The following FAT2 variants were observed in gnomAD, a reference collection of about 807,000 sequenced individuals.
FAT2 encodes protocadherin Fat 2.
In FAT2, 150 loss-of-function variants were observed where a neutral mutation model predicts 295.3. The observed-to-expected ratio is 0.51, with a 90% CI of 0.44 to 0.58. The LOEUF (loss-of-function observed/expected upper bound fraction) is 0.58, where lower values mean the gene tolerates loss of function less well. FAT2 is among the 20% of genes least tolerant of loss of function. The probability of loss-of-function intolerance (pLI) is 0.00; values close to 1 mark genes in which losing one functional copy is unlikely to be tolerated. For synonymous variants in FAT2, 2,026 were observed against 2,150.3 expected, an observed-to-expected ratio of 0.94 and a Z score of 1.60; for missense variants, 4,868 against 5,442.7, an observed-to-expected ratio of 0.89 and a Z score of 3.32.
At chr5:151,507,075 T>C (rs193215777) in intron 23 of FAT2, 79 bp downstream of exon 23, 90 of 1,293,646 alleles carry the variant, frequency 7.0e-5, no homozygotes, top group Admixed American at 3.0e-4. Context: ...AAAATGCCTG[T>C]GCCTCAGATA....
Position 151,545,590 on chromosome 5 carries a change from C to A in FAT2, c.5537G>T (p.Gly1846Val). Residue 1846 changes from glycine to valine, a missense_variant, in exon 10 of 24, where the codon GGA becomes GTA. Transcript: ENST00000261800. ...TCTGGGTGCAAATAATACAGGGCTTCCTTGGTCATGGACATAGACACAGAA... is the reference window on the plus strand; with the variant it reads ...TCTGGGTGCAAATAATACAGGGCTTACTTGGTCATGGACATAGACACAGAA... ...FQFCVYVHDQ[G>V]SPVLFAPRPA... 1 of 1,614,056 alleles carries A rather than the reference C, an allele frequency of 6.2e-7. No individual in the cohort carries two copies. Among genetic ancestry groups the A allele is most frequent in the African/African-American group, 1.3e-5 (1 of 75,016 alleles).
rs150175247 is a variant in FAT2 at position 151,568,729 on chromosome 5, G to A, written c.203C>T (p.Ala68Val). 7.9e-5 allele frequency: 128 copies of A among 1,614,150 alleles called. No homozygotes were observed. In the African/African-American group the frequency reaches 1.6e-3, roughly 20 times the overall value. The change falls in exon 2 of 24, where the codon GCA (alanine) becomes GTA (valine). Residue 68 changes from alanine (A) to valine (V), a missense_variant. By Grantham distance (64) the Ala-to-Val change is moderately conservative. Transcript: ENST00000261800. ...MGIYLAEPQW[A>V]VRYRIISGDV... ...CCCAGAGATGATCCGGTACCTCACT[G>A]CCCACTGTGGCTCCGCGAGGTAGAT...
In FAT2 at chr5:151,563,486, G is replaced by A. The variant is rs550245390; in HGVS notation, c.3413C>T (p.Ser1138Phe). The part of the protein sequence containing the change: ...TDANDNPPQM[S>F]QAVFYPSIQE... ...GATGGAGGGGTAGAACACAGCTTGG[G>A]ACATCTGGGGTGGGTTGTCATTGGC... Residue 1138 changes from serine to phenylalanine, a missense_variant, in exon 3 of 24, where the codon TCC becomes TTC. Transcript: ENST00000261800. 6.2e-7 allele frequency: 1 copy of A among 1,614,210 alleles called. No homozygotes were observed. The highest frequency in any genetic ancestry group is 1.3e-5 in the African/African-American group (1 of 75,042).
upstream of FAT2, among the ~76,000 whole-genome samples, chr5:151,594,288 G>T (rs1759508721): frequency 2.0e-5 from 3 of 152,166 alleles, no homozygotes; most frequent in Non-Finnish European, 4.4e-5. Flanking sequence ...GGCCTGGCGT[G>T]TGCCTCTCTT....
chr5:151,505,608 A>C lies in FAT2; in HGVS notation c.13007T>G (p.Met4336Arg). The C allele has an allele frequency of 6.2e-7, 1 of 1,614,082 alleles. No individual in the cohort carries two copies. Residue 4336 changes from methionine (M) to arginine (R), a missense_variant, in exon 24 of 24, where the codon ATG becomes AGG. Transcript: ENST00000261800. ...RVPPNYEGSDMVESDYGSCEE... is the reference protein window; with the variant it reads ...RVPPNYEGSDRVESDYGSCEE... ...ACAGCTGCCATAATCACTCTCCACC[A>C]TGTCAGAGCCCTCATAGTTGGGGGG...
rs1756045581 is a variant in FAT2 at position 151,540,744 on chromosome 5, C to T, written c.8862G>A (p.Gln2954=). Residue 2954 remains glutamine (Q), a synonymous_variant, in exon 11 of 24, where the codon CAG becomes CAA. Coordinates refer to ENST00000261800, the MANE Select transcript of FAT2 (RefSeq NM_001447.3). ...CATCTCCAACTTGGCTGATGCCAAA[C>T]TGGCCCAGGGGGTCTCCCTCTAAAC... ...CYITEGDPLG[Q]FGISQVGDEW... 6.2e-7 allele frequency: 1 copy of T among 1,614,010 alleles called. No homozygotes were observed. Among genetic ancestry groups the T allele is most frequent in the Non-Finnish European group, 8.5e-7 (1 of 1,179,952 alleles).
intron 1 of FAT2, among the ~76,000 whole-genome samples, chr5:151,590,165 A>G (rs972757542): frequency 2.6e-5 from 4 of 152,216 alleles, no homozygotes; most frequent in Non-Finnish European, 5.9e-5. Flanking sequence ...AATAACTCTT[A>G]GTAGCAAGGC....
At chr5:151,554,311 C>T (rs1419113693) in intron 5 of FAT2, 51 bp downstream of exon 5, 3 of 1,538,916 alleles carry the variant, frequency 1.9e-6, no homozygotes, top group Non-Finnish European at 2.7e-6. Context: ...CAAAGAAGGC[C>T]ACTAACCAGC....
chr5:151,542,213 A>C, intron 10 of FAT2, 72 bp downstream of exon 10: 1 of 1,465,546 alleles, frequency 6.8e-7, no homozygotes, highest in Non-Finnish European at 9.2e-7. Flanking sequence ...ACATGAACCC[A>C]TTTTAGGGCA....
chr5:151,512,171 C>T lies in FAT2; in HGVS notation c.11899G>A (p.Gly3967Arg), dbSNP rs759591753. Reference sequence around the variant, plus strand: ...CTGGCACCCCAGCCCTCACCTGCCCCATGGGTCCATGAGCACTTCCCACCA... The same window carrying T: ...CTGGCACCCCAGCCCTCACCTGCCCTATGGGTCCATGAGCACTTCCCACCA... ...LNGGKCSWTH[G>R]AGYVCKCPPQ... The change falls in exon 21 of 24, where the codon GGG becomes AGG. Residue 3967 changes from glycine to arginine, a missense_variant. This residue lies in a region of FAT2 where 24 missense variants were observed against 53.3 expected (regional missense o/e 0.45). Coordinates refer to ENST00000261800, the MANE Select transcript of FAT2 (RefSeq NM_001447.3). This position sits in a 1 kb window ranked among gnomAD's most constrained non-coding sequence, Gnocchi z 4.1. 1.2e-5 allele frequency: 20 copies of T among 1,611,636 alleles called. No individual in the cohort carries two copies. The highest frequency in any genetic ancestry group is 9.3e-5 in the African/African-American group (7 of 74,880).
chr5:151,584,437 C>G (rs1228637368), intron 1 of FAT2, among the ~76,000 whole-genome samples: 1 of 152,080 alleles, frequency 6.6e-6, no homozygotes, highest in East Asian at 1.9e-4. Context: ...TTCAAAGACC[C>G]TATGAAGGAA....
At chr5:151,558,938 G>T (rs929519958) in intron 3 of FAT2, among the ~76,000 whole-genome samples, 1 of 152,202 alleles carries the variant, frequency 6.6e-6, no homozygotes, top group Non-Finnish European at 1.5e-5. Flanking sequence ...TGGTGTGGAC[G>T]GTCTCTTGTA....
intron 18 of FAT2, among the ~76,000 whole-genome samples, chr5:151,522,488 C>T (rs1282221201): frequency 6.6e-6 from 1 of 152,216 alleles, no homozygotes; most frequent in East Asian, 1.9e-4. Context: ...GCACCCTGCT[C>T]AGCCTACGAA....
At position 151,544,461 on chromosome 5, in the gene FAT2, A is replaced by C; in HGVS notation, c.6666T>G (p.Thr2222=). The C allele has an allele frequency of 6.2e-7, 1 of 1,614,214 alleles. No individual in the cohort carries two copies. The highest frequency in any genetic ancestry group is 1.1e-5 in the South Asian group (1 of 91,088). ...PLMLFTTDFK[T]GVLTVTGPLD... ...AAGGCCCTGTTACTGTTAGGACACC[A>C]GTCTTGAAGTCAGTGGTGAACAGCA... Residue 2222 remains threonine (T), a synonymous_variant, in exon 10 of 24, where the codon ACT becomes ACG. Transcript: ENST00000261800.
At position 151,551,451 on chromosome 5, in the gene FAT2, A is replaced by G. The variant is rs780846553; in HGVS notation, c.4296+16T>C. The G allele has an allele frequency of 6.2e-7, 1 of 1,613,166 alleles. No individual in the cohort carries two copies. The highest frequency in any genetic ancestry group is 1.7e-5 in the Admixed American group (1 of 60,012). The stretch of plus-strand genomic sequence containing the variant: ...ATCTCCTCTCAATACAGGGGTCCCC[A>G]GCCGAGGCCTCTAACCTGTGTGGCA... On this transcript the variant is annotated intron_variant, in intron 7 of 23. Transcript: ENST00000261800.
In FAT2 at chr5:151,532,959, T is replaced by C. The variant is rs116211925; in HGVS notation, c.9428-989A>G. ...TGCAACTTCCCCATATTGGCACTTATATGAAGAAACCATAATTTTTCTAGA... is the reference window on the plus strand; with the variant it reads ...TGCAACTTCCCCATATTGGCACTTACATGAAGAAACCATAATTTTTCTAGA... On this transcript the variant is annotated intron_variant, in intron 13 of 23. Coordinates refer to ENST00000261800, the MANE Select transcript of FAT2 (RefSeq NM_001447.3). 2.8e-3 allele frequency among the ~76,000 whole-genome samples: 425 copies of C among 152,328 alleles called. 1 individual carries two copies. Among genetic ancestry groups the C allele is most frequent in the African/African-American group, 9.6e-3 (401 of 41,568 alleles).
Position 151,505,738 on chromosome 5 carries a change from C to A in FAT2, c.12877G>T (p.Gly4293Trp). ...CGCATACCCACCCCCTTGTAGCCCCCGTCTGCCAGGCAGGGCCCTCCCCCT... is the reference window on the plus strand; with the variant it reads ...CGCATACCCACCCCCTTGTAGCCCCAGTCTGCCAGGCAGGGCCCTCCCCCT... ...QGGGGPCLAD[G>W]GYKGVGMRLS... The change falls in exon 24 of 24, where the codon GGG (glycine) becomes TGG (tryptophan). Residue 4293 changes from glycine to tryptophan, a missense_variant. By Grantham distance (184) the Gly-to-Trp change is radical (BLOSUM62 -2). Transcript: ENST00000261800. The A allele has an allele frequency of 2.5e-6, 4 of 1,613,760 alleles. No homozygotes were observed. The highest frequency in any genetic ancestry group is 3.4e-6 in the Non-Finnish European group (4 of 1,179,718).
rs752499474 is a variant in FAT2 at position 151,525,869 on chromosome 5, C to A, written c.10405G>T (p.Gly3469Trp). The A allele has an allele frequency of 6.2e-7, 1 of 1,614,098 alleles. No homozygotes were observed. The highest frequency in any genetic ancestry group is 8.5e-7 in the Non-Finnish European group (1 of 1,179,982). Residue 3469 changes from glycine (G) to tryptophan (W), a missense_variant, in exon 18 of 24, where the codon GGG becomes TGG. Physicochemically the swap from Gly to Trp is radical, Grantham distance 184. This residue lies in a region of FAT2 where 1,046 missense variants were observed against 1,210.1 expected (regional missense o/e 0.86). Coordinates refer to ENST00000261800, the MANE Select transcript of FAT2 (RefSeq NM_001447.3). Reference sequence around the variant, plus strand: ...ACTCGGAAGGCAGAGCCGTTGTTCCCCTTGGTGATTCGAAACGAGTAGGGG... The same window carrying A: ...ACTCGGAAGGCAGAGCCGTTGTTCCACTTGGTGATTCGAAACGAGTAGGGG... ...GPPYSFRITKGNNGSAFRVTP... is the reference protein window; with the variant it reads ...GPPYSFRITKWNNGSAFRVTP...
chr5:151,584,415 T>A (rs1381280742), intron 1 of FAT2, among the ~76,000 whole-genome samples: 1 of 152,170 alleles, frequency 6.6e-6, no homozygotes, highest in African/African-American at 2.4e-5. Context: ...GTCCGTTTTC[T>A]TATTTAATTC....
Sources: gnomAD v4.1 joint callset for allele counts (sites outside exome capture counted in the v4.1 genomes callset) on GRCh38, gnomAD v4.1.1 for gene constraint, gnomAD v4.1.1 regional missense constraint, Gnocchi (gnomAD v3.1) non-coding constraint, MANE v1.5 for transcripts, NCBI Gene and HGNC (gene_info 2026-07-23, HGNC 2026-07-21) for gene names.